Variants in NEBL observed in about 807,000 individuals in gnomAD.
The protein encoded by NEBL is nebulette.
NEBL carries 122 observed loss-of-function variants against 140.2 expected under a neutral mutation model. The observed-to-expected ratio is 0.87, with a 90% CI of 0.75 to 1.01. The LOEUF is 1.01. Ranked by LOEUF, NEBL falls within the 50% of genes least tolerant of loss-of-function variation. The pLI is 0.00. For missense variants in NEBL, 1,365 were observed against 1,231.3 expected, an observed-to-expected ratio of 1.11 and a Z score of -1.62; for synonymous variants, 436 against 398.9, an observed-to-expected ratio of 1.09 and a Z score of -1.11.
Position 20,826,511 on chromosome 10 carries a change from C to G in NEBL, c.1805G>C (p.Gly602Ala). The stretch of plus-strand genomic sequence containing the variant: ...CTCTGGGCTATCTTTCACTGCAGTG[C>G]CAGCTCCCACTTCTTTCTTATAAAA... ...AVFYKKEVGA[G>A]TAVKDSPEIE... is the part of the protein sequence containing the mutation. The change falls in exon 18 of 28, where the codon GGC becomes GCC. Residue 602 changes from glycine to alanine, a missense_variant. Gly to Ala is a moderately conservative substitution (Grantham distance 60). Around this residue, in one of 2 missense-constraint regions of NEBL, gnomAD observed 1,323 missense variants for 1,154.8 expected, o/e 1.15. Coordinates refer to ENST00000377122, the MANE Select transcript of NEBL (RefSeq NM_006393.3). 6.2e-7 allele frequency: 1 copy of G among 1,612,084 alleles called. No individual in the cohort carries two copies. Among genetic ancestry groups the G allele is most frequent in the Non-Finnish European group, 8.5e-7 (1 of 1,178,640 alleles).
intron 2 of NEBL, among the ~76,000 whole-genome samples, chr10:21,041,950 C>T (rs1834286862): frequency 6.6e-6 from 1 of 152,314 alleles, no homozygotes. Flanking sequence ...AATTGGCATA[C>T]AATGAGCAGC....
At chr10:21,232,750 C>T in intron 3 of NEBL, among the ~76,000 whole-genome samples, 1 of 152,128 alleles carries the variant, frequency 6.6e-6, no homozygotes, top group East Asian at 1.9e-4. Flanking sequence ...GGTTGGAGAC[C>T]CCTGCTTCAC....
intron 26 of NEBL, among the ~76,000 whole-genome samples, chr10:20,798,132 C>G (rs1344935046): frequency 6.7e-6 from 1 of 149,422 alleles, no homozygotes; most frequent in African/African-American, 2.5e-5. Flanking sequence ...AAAAATGTAG[C>G]ATGGGCATAT....
intron 3 of NEBL, among the ~76,000 whole-genome samples, chr10:21,213,405 G>T (rs1158921939): frequency 2.6e-5 from 4 of 152,152 alleles, no homozygotes; most frequent in South Asian, 2.1e-4. Context: ...GAGGAAAACC[G>T]GAGAGGAGCG....
intron 4 of NEBL, among the ~76,000 whole-genome samples, chr10:20,944,115 T>C (rs550365713): frequency 2.6e-5 from 4 of 152,328 alleles, no homozygotes; most frequent in African/African-American, 4.8e-5. Flanking sequence ...TAGTTAAATA[T>C]AGGCCGGGCG....
intron 3 of NEBL, among the ~76,000 whole-genome samples, chr10:21,004,261 C>T (rs1838026060): frequency 1.3e-5 from 2 of 151,560 alleles, no homozygotes; most frequent in Middle Eastern, 3.4e-3. Flanking sequence ...ATGCAGACAT[C>T]GTTATGAATA....
intron 3 of NEBL, among the ~76,000 whole-genome samples, chr10:21,005,900 C>A (rs542087848): frequency 6.6e-6 from 1 of 151,268 alleles, no homozygotes; most frequent in African/African-American, 2.4e-5. Flanking sequence ...CCCTGTAAGC[C>A]CCAAGAACCA....
intron 2 of NEBL, among the ~76,000 whole-genome samples, chr10:21,118,517 A>T (rs1394998478): frequency 1.3e-5 from 2 of 152,150 alleles, no homozygotes; most frequent in African/African-American, 4.8e-5. Context: ...CTATTGACTT[A>T]TATTAAAGCT....
At chr10:21,166,985 G>T (rs1419278876) in intron 2 of NEBL, among the ~76,000 whole-genome samples, 1 of 152,140 alleles carries the variant, frequency 6.6e-6, no homozygotes, top group South Asian at 2.1e-4. Context: ...TTACCCTTAG[G>T]AAAGGCACTA....
At chr10:21,121,670 C>T (rs577157098) in intron 2 of NEBL, among the ~76,000 whole-genome samples, 4 of 152,228 alleles carry the variant, frequency 2.6e-5, no homozygotes, top group Non-Finnish European at 5.9e-5. Context: ...ATGCTAGGCT[C>T]ACAACTTCAG....
rs192863494 is a variant in NEBL, at chr10:21,256,651, T to A, written n.183-4823A>T. ...TTCGAGACCAGCCTAGGCAACATAG[T>A]GAGACCCTGTCTCTAAAAATATTTT... On this transcript the variant is annotated intron_variant and non_coding_transcript_variant, in intron 1 of 8. Transcript: ENST00000675702. Among the ~76,000 whole-genome samples, 691 of 152,224 alleles carry A rather than the reference T, an allele frequency of 4.5e-3. 4 individuals are homozygous for A. The highest frequency in any genetic ancestry group is 0.016 in the African/African-American group (655 of 41,550).
intron 1 of NEBL, among the ~76,000 whole-genome samples, chr10:21,254,159 A>G (rs556764400): frequency 2.2e-4 from 33 of 152,294 alleles, no homozygotes; most frequent in Middle Eastern, 3.4e-3. Context: ...ATTTTTAGAG[A>G]CAGGGTCTTG....
intron 2 of NEBL, among the ~76,000 whole-genome samples, chr10:21,066,373 A>C (rs1835541967): frequency 6.6e-6 from 1 of 152,224 alleles, no homozygotes; most frequent in Admixed American, 6.5e-5. Context: ...TTTCTTATAA[A>C]GATGATAGCA....
At chr10:21,110,801 T>A (rs900574447) in intron 2 of NEBL, 1 of 585,438 alleles carries the variant, frequency 1.7e-6, no homozygotes, top group South Asian at 1.4e-5. Context: ...ACAGTCAGGT[T>A]AGGGACTCAT....
intron 2 of NEBL, among the ~76,000 whole-genome samples, chr10:21,042,953 C>T (rs1390402884): frequency 1.3e-5 from 2 of 152,196 alleles, no homozygotes; most frequent in Admixed American, 1.3e-4. Context: ...CTGAGGAAGA[C>T]TTTTCTTTTC....
At chr10:21,265,231 C>T (rs766070904) in intron 1 of NEBL, among the ~76,000 whole-genome samples, 2 of 152,072 alleles carry the variant, frequency 1.3e-5, no homozygotes, top group East Asian at 1.9e-4. Context: ...TTTATAAGAA[C>T]ACTAATCCCA....
rs746547088 is a variant in NEBL at position 20,815,705 on chromosome 10, C to G, written c.2161G>C (p.Gly721Arg). Residue 721 changes from glycine to arginine, a missense_variant, in exon 22 of 28, where the codon GGT becomes CGT. This residue lies in a region of NEBL where 1,323 missense variants were observed against 1,154.8 expected (regional missense o/e 1.15). Transcript: ENST00000377122. The stretch of plus-strand genomic sequence containing the variant: ...AAAGTGGTAGCTCTTCCCAGCTGAC[C>G]TCTGTAATAAACCTATCATTTCAGA... ...QKNISNVYYR[G>R]QLGRATTLSV... 6.2e-7 allele frequency: 1 copy of G among 1,603,710 alleles called. No homozygotes were observed.
intron 6 of NEBL, 55 bp downstream of exon 6, chr10:20,869,685 G>A (rs573035839): frequency 8.4e-7 from 1 of 1,194,014 alleles, no homozygotes; most frequent in Admixed American, 1.7e-5. Flanking sequence ...GCTATGCTTT[G>A]CCTCCTACAA....
At position 21,209,747 on chromosome 10, in the gene NEBL, G is replaced by A. The variant is rs60767998; in HGVS notation, n.349-37270C>T. 2.7e-5 allele frequency among the ~76,000 whole-genome samples: 4 copies of A among 148,922 alleles called. No individual in the cohort carries two copies. In the East Asian group the frequency reaches 8.0e-4, roughly 30 times the overall value. On this transcript the variant is annotated intron_variant and non_coding_transcript_variant, in intron 3 of 8. Coordinates refer to the NEBL transcript ENST00000675702. The stretch of plus-strand genomic sequence containing the variant: ...TGAGATCACGAGGTAACAAACATGA[G>A]AACAGAGGCCTACACGTCAAAGATG...
Sources: gnomAD v4.1 joint callset for allele counts (sites outside exome capture counted in the v4.1 genomes callset) on GRCh38, gnomAD v4.1.1 for gene constraint, gnomAD v4.1.1 regional missense constraint, MANE v1.5 for transcripts, NCBI Gene and HGNC (gene_info 2026-07-23, HGNC 2026-07-21) for gene names.